Variants in AVL9 observed in about 807,000 individuals in gnomAD.
AVL9 encodes AVL9 cell migration associated, also known as late secretory pathway protein AVL9 homolog.
AVL9 carries 49 observed loss-of-function variants against 79.2 expected under a neutral mutation model. That is an observed-to-expected ratio of 0.62 (90% CI 0.49 to 0.79). The LOEUF is 0.79. AVL9 is among the 30% of genes least tolerant of loss of function. AVL9 has a pLI of 0.00. For missense variants in AVL9, 682 were observed against 776.8 expected, an observed-to-expected ratio of 0.88 and a Z score of 1.45; for synonymous variants, 299 against 280.6, an observed-to-expected ratio of 1.07 and a Z score of -0.65.
Position 32,509,248 on chromosome 7 carries a change from C to A in AVL9, c.93+13446C>A, listed in dbSNP as rs79362100. 5.8e-3 allele frequency among the ~76,000 whole-genome samples: 881 copies of A among 152,196 alleles called. 9 individuals are homozygous for A. Among genetic ancestry groups the A allele is most frequent in the African/African-American group, 0.02 (838 of 41,518 alleles). ...GACTTTCCTTAAGGGCAGAAAGTCC[C>A]TGGCAAGATTCTGGAATTCTAGGAT... On this transcript the variant is annotated intron_variant, in intron 1 of 15. Transcript: ENST00000318709.
chr7:32,587,690 A>G lies in AVL9; in HGVS notation c.*3783A>G, dbSNP rs1373406102. 6.6e-6 allele frequency: 1 copy of G among 152,202 alleles called. No homozygotes were observed. Among genetic ancestry groups the G allele is most frequent in the Non-Finnish European group, 1.5e-5 (1 of 68,036 alleles). 9.4% of individuals were successfully genotyped at this position (152,202 alleles called of 1,614,324 possible). A position where few individuals can be genotyped will look rare whatever the true frequency, so the allele number is the denominator to read the frequency against. ...TGGCATTTCCACCCCGTCTCGTGGT[A>G]GCCTTTAAAAGTGGTAGAAGATGCT... On this transcript the variant is annotated 3_prime_UTR_variant, in exon 16 of 16. Transcript: ENST00000318709.
intron 12 of AVL9, among the ~76,000 whole-genome samples, 186 bp from the exon 13 acceptor site, chr7:32,575,769 G>A (rs978581770): frequency 2.6e-5 from 4 of 152,070 alleles, no homozygotes; most frequent in Non-Finnish European, 5.9e-5. Context: ...CTTGCCAAAG[G>A]CCACATAGCT....
At chr7:32,574,024 C>T (rs1380112614) in intron 12 of AVL9, among the ~76,000 whole-genome samples, 1 of 152,106 alleles carries the variant, frequency 6.6e-6, no homozygotes, top group Non-Finnish European at 1.5e-5. Context: ...AAATGGAGCT[C>T]TGCAGTGAGC....
At chr7:32,544,879 T>G in intron 3 of AVL9, 100 bp downstream of exon 3, 1 of 829,716 alleles carries the variant, frequency 1.2e-6, no homozygotes, top group Non-Finnish European at 1.9e-6. Context: ...TAATGTTGTT[T>G]TAGATTTTTG....
chr7:32,513,545 C>T (rs1562756610), intron 1 of AVL9, among the ~76,000 whole-genome samples: 1 of 152,234 alleles, frequency 6.6e-6, no homozygotes, highest in Non-Finnish European at 1.5e-5. Flanking sequence ...AAGCCTCCTT[C>T]TTTGAGTTGT....
intron 1 of AVL9, among the ~76,000 whole-genome samples, chr7:32,521,980 A>G (rs1788176833): frequency 6.6e-6 from 1 of 152,218 alleles, no homozygotes; most frequent in Non-Finnish European, 1.5e-5. Context: ...CATGGTGTTG[A>G]GCCTGCAGGT....
Position 32,558,978 on chromosome 7 carries a change from A to T in AVL9, c.729A>T (p.Lys243Asn), listed in dbSNP as rs1476985768. The change falls in exon 10 of 16, where the codon AAA becomes AAT. Residue 243 changes from lysine (K) to asparagine (N), a missense_variant. Physicochemically the swap from Lys to Asn is moderately conservative, Grantham distance 94. Transcript: ENST00000318709. ...LSDCSQYRPR[K>N]SMSEDGGLQE... Reference sequence around the variant, plus strand: ...ACTGTTCTCAGTATAGACCCCGGAAAAGTATGTCTGAAGATGGTGGGCTTC... The same window carrying T: ...ACTGTTCTCAGTATAGACCCCGGAATAGTATGTCTGAAGATGGTGGGCTTC... 6.2e-7 allele frequency: 1 copy of T among 1,612,366 alleles called. No individual in the cohort carries two copies. Among genetic ancestry groups the T allele is most frequent in the Non-Finnish European group, 8.5e-7 (1 of 1,179,278 alleles).
intron 15 of AVL9, 119 bp downstream of exon 15, chr7:32,581,009 T>TA (rs1211523543): frequency 2.5e-6 from 2 of 812,932 alleles, no homozygotes; most frequent in Non-Finnish European, 3.9e-6. Flanking sequence ...CACATAGTAA[T>TA]ACAAGAGTTT....
At chr7:32,534,141 G>A (rs949271730) in intron 1 of AVL9, 3 of 152,072 alleles carry the variant, frequency 2.0e-5, no homozygotes, top group Admixed American at 2.0e-4. Flanking sequence ...TAGAAAAATT[G>A]CTTTTTTATT....
chr7:32,531,389 A>G (rs952388085), intron 1 of AVL9, among the ~76,000 whole-genome samples: 21 of 106,642 alleles, frequency 2.0e-4, no homozygotes, highest in Admixed American at 1.5e-3. Context: ...CATGTTAATG[A>G]CCTTTATATG....
At chr7:32,572,827 A>G (rs1029533759) in intron 11 of AVL9, among the ~76,000 whole-genome samples, 2 of 148,994 alleles carry the variant, frequency 1.3e-5, no homozygotes, top group Admixed American at 6.8e-5. Flanking sequence ...AGAATATTCT[A>G]AAGTATCTGC....
intron 1 of AVL9, chr7:32,538,282 G>A (rs1357903861): frequency 3.9e-5 from 6 of 152,200 alleles, no homozygotes. Flanking sequence ...ATGGAAATAA[G>A]ATTTCCTTCA....
chr7:32,505,938 C>G (rs1351458139), intron 1 of AVL9, among the ~76,000 whole-genome samples: 2 of 152,116 alleles, frequency 1.3e-5, no homozygotes, highest in Admixed American at 1.3e-4. Flanking sequence ...TTTCTTCACT[C>G]TTTGTAAGCA....
At chr7:32,506,004 T>C (rs776483538) in intron 1 of AVL9, among the ~76,000 whole-genome samples, 1 of 152,194 alleles carries the variant, frequency 6.6e-6, no homozygotes, top group Non-Finnish European at 1.5e-5. Flanking sequence ...CTGCTTGTTA[T>C]GAACTATTTT....
intron 1 of AVL9, among the ~76,000 whole-genome samples, chr7:32,501,238 C>CT (rs1488586511): frequency 2.0e-5 from 3 of 152,124 alleles, no homozygotes; most frequent in Non-Finnish European, 4.4e-5. Context: ...ACTGACAAGC[C>CT]TTTTTTGGCA....
Position 32,580,870 on chromosome 7 carries a change from T to C in AVL9, c.1811T>C (p.Val604Ala), listed in dbSNP as rs751775791. ...NVMVTTSRNV[V>A]QTGKAVGQSV... ...ATGGTCACAACTAGCCGGAATGTTG[T>C]ACAAACAGGAAAAGCTGTTGGTAAG... The change falls in exon 15 of 16, where the codon GTA (valine) becomes GCA (alanine). Residue 604 changes from valine to alanine, a missense_variant. Coordinates refer to ENST00000318709, the MANE Select transcript of AVL9 (RefSeq NM_015060.3). The C allele has an allele frequency of 6.2e-7, 1 of 1,613,856 alleles. No homozygotes were observed. The highest frequency in any genetic ancestry group is 1.1e-5 in the South Asian group (1 of 91,020).
intron 13 of AVL9, among the ~76,000 whole-genome samples, chr7:32,577,014 A>C (rs1366362231): frequency 1.3e-5 from 2 of 152,188 alleles, no homozygotes; most frequent in Admixed American, 6.5e-5. Context: ...CAGTTGATAT[A>C]GTGTATACAG....
chr7:32,548,371 C>T (rs1289739251), intron 3 of AVL9, among the ~76,000 whole-genome samples: 3 of 152,098 alleles, frequency 2.0e-5, no homozygotes, highest in Non-Finnish European at 2.9e-5. Context: ...TGGTCTCAAA[C>T]TCCTGGCCTC....
chr7:32,571,357 G>A (rs1165448143), intron 11 of AVL9, among the ~76,000 whole-genome samples: 11 of 151,018 alleles, frequency 7.3e-5, no homozygotes, highest in East Asian at 1.9e-4. Flanking sequence ...GTGAAACCCC[G>A]TCTCTACTAA....
Sources: allele counts gnomAD v4.1 joint callset (sites outside exome capture counted in the v4.1 genomes callset), GRCh38; gene constraint gnomAD v4.1.1; transcripts MANE v1.5; gene names NCBI Gene and HGNC (gene_info 2026-07-23, HGNC 2026-07-21).